MCM7: variants seen among roughly 807,000 people sequenced by gnomAD.
The protein encoded by MCM7 is minichromosome maintenance complex component 7.
MCM7 carries 95 observed loss-of-function variants against 83.5 expected under a neutral mutation model. The ratio of observed to expected loss-of-function variants is 1.14; its 90% CI spans 0.96 to 1.35. MCM7 has a LOEUF of 1.35. Ranked by LOEUF, MCM7 falls within the 40% of genes most tolerant of loss-of-function variation. The pLI is 0.00. For missense variants in MCM7, 1,087 were observed against 957.4 expected (o/e 1.14, Z -1.79); for synonymous variants, 461 against 352.7 (o/e 1.31, Z -3.44).
intron 1 of MCM7, 166 bp from the exon 2 acceptor site, chr7:100,100,259 C>G (rs1169680986): frequency 9.3e-6 from 13 of 1,397,074 alleles, no homozygotes; most frequent in African/African-American, 1.5e-5. Context: ...AAGTCTGTTT[C>G]TAACCAGCGA....
chr7:100,100,478 C>A (rs950121987), intron 1 of MCM7: 8 of 908,732 alleles, frequency 8.8e-6, no homozygotes, highest in Non-Finnish European at 1.0e-5. Flanking sequence ...TCCGCCACCG[C>A]ACCCCGCCAC....
intron 10 of MCM7, among the ~76,000 whole-genome samples, chr7:100,096,494 G>A (rs1015288083): frequency 5.3e-5 from 8 of 152,204 alleles, no homozygotes; most frequent in Admixed American, 1.3e-4. Context: ...AGTAGAGGCC[G>A]GGCGCAGTGG....
intron 1 of MCM7, 116 bp downstream of exon 1, chr7:100,101,148 C>T (rs1223031275): frequency 3.0e-5 from 39 of 1,314,196 alleles, no homozygotes; most frequent in Non-Finnish European, 4.3e-6. Flanking sequence ...CTGCCTCTGG[C>T]CTCGCGCACC....
In MCM7 at chr7:100,099,615, G is replaced by A. The variant is rs185938166; in HGVS notation, c.250C>T (p.Leu84=). The change falls in exon 3 of 15, where the codon CTG becomes TTG. Residue 84 remains leucine, a synonymous_variant. Transcript: ENST00000303887. ...AKLFADAVQE[L]LPQYKEREVV... is the part of the protein sequence containing the mutation. ...TCCCTCTCCTTGTACTGAGGCAGCA[G>A]CTCTTGTACGGCATCAGCAAAGAGC... The A allele has an allele frequency of 1.9e-4, 311 of 1,614,074 alleles. No individual in the cohort carries two copies. Among genetic ancestry groups the A allele is most frequent in the Non-Finnish European group, 2.4e-4 (289 of 1,180,030 alleles).
intron 11 of MCM7, 63 bp from the exon 12 acceptor site, chr7:100,095,533 G>A: frequency 4.0e-6 from 6 of 1,508,854 alleles, no homozygotes; most frequent in Non-Finnish European, 5.5e-6. Flanking sequence ...GTCCTCTTAG[G>A]TGTCCCTCCT....
intron 1 of MCM7, chr7:100,100,624 C>T (rs1288953911): frequency 1.0e-6 from 1 of 991,832 alleles, no homozygotes; most frequent in African/African-American, 1.7e-5. Context: ...GGCCATCACA[C>T]CCAGAGACAC....
chr7:100,093,498 A>G lies in MCM7; in HGVS notation c.1849-97T>C, dbSNP rs1156613012. 3 of 1,099,998 alleles carry G rather than the reference A, an allele frequency of 2.7e-6. No individual in the cohort carries two copies. In the African/African-American group the frequency reaches 4.6e-5, roughly 17 times the overall value. 68.1% of individuals were successfully genotyped at this position (1,099,998 alleles called of 1,614,324 possible). On this transcript the variant is annotated intron_variant, in intron 13 of 14. Coordinates refer to ENST00000303887, the MANE Select transcript of MCM7 (RefSeq NM_005916.5). ...TTCTGGCTTTAAGGCTGGGCAGCCC[A>G]TGGGTCGCCTACTCACAAAACAGGA...
At chr7:100,097,797 T>A in intron 8 of MCM7, 37 bp downstream of exon 8, 3 of 1,614,072 alleles carry the variant, frequency 1.9e-6, no homozygotes. Flanking sequence ...GGAGCTAGGA[T>A]GTAAACGGAA....
intron 13 of MCM7, 129 bp downstream of exon 13, chr7:100,094,044 T>G (rs752205799): frequency 2.6e-6 from 3 of 1,154,984 alleles, no homozygotes; most frequent in South Asian, 1.2e-5. Flanking sequence ...AGGACCACTA[T>G]CTGCACTGTC....
At chr7:100,101,063 A>C (rs1237201421) in intron 1 of MCM7, 1 of 727,854 alleles carries the variant, frequency 1.4e-6, no homozygotes, top group Non-Finnish European at 2.2e-6. Context: ...TGGGATTACT[A>C]GCTTTTCTTC....
Position 100,101,280 on chromosome 7 carries a change from G to C in MCM7, c.15C>G (p.Asp5Glu). MALK[D>E]YALEKEKVKK... is the part of the protein sequence containing the mutation. ...GACCCGTACCCTTCTCTAGCGCGTA[G>C]TCCTTCAGTGCCATCGCTGCCGAGG... Residue 5 changes from aspartate (D) to glutamate (E), a missense_variant, in exon 1 of 15, where the codon GAC becomes GAG. By Grantham distance (45) the Asp-to-Glu change is conservative (BLOSUM62 2). Coordinates refer to ENST00000303887, the MANE Select transcript of MCM7 (RefSeq NM_005916.5). 1 of 1,613,296 alleles carries C rather than the reference G, an allele frequency of 6.2e-7. No individual in the cohort carries two copies. The highest frequency in any genetic ancestry group is 1.3e-5 in the African/African-American group (1 of 75,062).
Position 100,097,696 on chromosome 7 carries a change from G to C in MCM7, c.1035C>G (p.Tyr345Ter), listed in dbSNP as rs761417773. 7 of 1,614,024 alleles carry C rather than the reference G, an allele frequency of 4.3e-6. No individual in the cohort carries two copies. The East Asian group carries it at 6.7e-5, about 15-fold the overall frequency. ...KLAASIAPEI[Y>*]GHEDVKKALL... Reference sequence around the variant, plus strand: ...GTGCCTTCTTCACATCTTCATGCCCGTATATTTCTGGGGCGATTGAAGCTG... The same window carrying C: ...GTGCCTTCTTCACATCTTCATGCCCCTATATTTCTGGGGCGATTGAAGCTG... Residue 345 changes from tyrosine to a stop codon, truncating the protein, a stop_gained, in exon 9 of 15, where the codon TAC (tyrosine) becomes TAG (stop). Coordinates refer to ENST00000303887, the MANE Select transcript of MCM7 (RefSeq NM_005916.5). LOFTEE classifies it high-confidence loss of function.
chr7:100,097,169 A>G (rs1795682783), intron 10 of MCM7, 132 bp downstream of exon 10: 2 of 776,816 alleles, frequency 2.6e-6, no homozygotes, highest in South Asian at 3.5e-5. Flanking sequence ...CTCGCCTCAA[A>G]TGATTCTCCT....
chr7:100,099,154 C>G lies in MCM7; in HGVS notation c.451G>C (p.Glu151Gln). 6.2e-7 allele frequency: 1 copy of G among 1,614,146 alleles called. No individual in the cohort carries two copies. Among genetic ancestry groups the G allele is most frequent in the Non-Finnish European group, 8.5e-7 (1 of 1,180,038 alleles). ...TTCCCCACAGAGTCAGCCCGCACTT[C>G]CCGGATCACACGAGGCTTGTTGCTG... is the stretch of plus-strand genomic sequence containing the variant. ...PSSNKPRVIREVRADSVGKLV... is the reference protein window; with the variant it reads ...PSSNKPRVIRQVRADSVGKLV... The change falls in exon 5 of 15, where the codon GAA (glutamate) becomes CAA (glutamine). Residue 151 changes from glutamate (E) to glutamine (Q), a missense_variant. Transcript: ENST00000303887.
intron 5 of MCM7, 148 bp downstream of exon 5, chr7:100,098,875 T>TA: frequency 7.5e-7 from 1 of 1,338,168 alleles, no homozygotes; most frequent in East Asian, 2.4e-5. Context: ...AGAAAATAGG[T>TA]AGAAAGACCA....
intron 13 of MCM7, 104 bp from the exon 14 acceptor site, chr7:100,093,505 G>A (rs1795437685): frequency 1.6e-5 from 16 of 1,031,202 alleles, no homozygotes; most frequent in African/African-American, 3.2e-5. Context: ...CCCATGGGTC[G>A]CCTACTCACA....
In MCM7 at chr7:100,095,752, T is replaced by G. The variant is rs1010821127; in HGVS notation, c.1595+22A>C. The G allele has an allele frequency of 8.4e-6, 13 of 1,548,484 alleles. No individual in the cohort carries two copies. The African/African-American group carries it at 1.8e-4, about 21-fold the overall frequency. On this transcript the variant is annotated intron_variant, in intron 11 of 14. Coordinates refer to ENST00000303887, the MANE Select transcript of MCM7 (RefSeq NM_005916.5). ...ACAGATCATTACAGGGGACCTCTCT[T>G]TGGGTGTTGAGCTTCATTCACCGTA...
chr7:100,100,707 C>T, intron 1 of MCM7: 1 of 989,648 alleles, frequency 1.0e-6, no homozygotes, highest in Non-Finnish European at 1.2e-6. Context: ...CCCCCCGGGC[C>T]GCAGCTCTCT....
In MCM7 at chr7:100,095,479, A is replaced by T; in HGVS notation, c.1596-9T>A. The T allele has an allele frequency of 6.2e-7, 1 of 1,613,548 alleles. No individual in the cohort carries two copies. The highest frequency in any genetic ancestry group is 8.5e-7 in the Non-Finnish European group (1 of 1,179,602). ...TGATGTGCTGGGCCAACCTGGACAG[A>T]GGGAAGGTTAGAAGGAACACCCTTT... On this transcript the variant is annotated splice_polypyrimidine_tract_variant and intron_variant, in intron 11 of 14. Transcript: ENST00000303887.
Sources: allele counts gnomAD v4.1 joint callset (sites outside exome capture counted in the v4.1 genomes callset), GRCh38; gene constraint gnomAD v4.1.1; transcripts MANE v1.5; gene names NCBI Gene and HGNC (gene_info 2026-07-23, HGNC 2026-07-21).